Variants in NRXN1 observed in about 807,000 individuals in gnomAD.
NRXN1 encodes the protein neurexin 1.
A neutral mutation model predicts 150.9 loss-of-function variants in NRXN1; 39 were observed. The ratio of observed to expected loss-of-function variants is 0.26; its 90% CI spans 0.20 to 0.34. The LOEUF (loss-of-function observed/expected upper bound fraction) is 0.34, where lower values mean the gene tolerates loss of function less well. NRXN1 is among the 10% of genes least tolerant of loss of function. The pLI is 1.00. For synonymous variants in NRXN1, 924 were observed against 757.0 expected (o/e 1.22, Z -3.62); for missense variants, 1,815 against 1,949.9 (o/e 0.93, Z 1.30).
intron 5 of NRXN1, among the ~76,000 whole-genome samples, chr2:50,820,442 T>G (rs1285978126): frequency 6.6e-6 from 1 of 152,076 alleles, no homozygotes; most frequent in African/African-American, 2.4e-5. Context: ...AGAAGAAGCT[T>G]GACTGTAATA....
At chr2:50,013,512 G>A (rs1018944247) in intron 21 of NRXN1, among the ~76,000 whole-genome samples, 1 of 152,012 alleles carries the variant, frequency 6.6e-6, no homozygotes, top group Non-Finnish European at 1.5e-5. Context: ...AGCACCACAC[G>A]CTAATTGATG....
At chr2:50,591,401 TA>T (rs1237133814) in intron 8 of NRXN1, among the ~76,000 whole-genome samples, 3 of 134,886 alleles carry the variant, frequency 2.2e-5, no homozygotes, top group African/African-American at 7.9e-5. Flanking sequence ...GATAGATAGA[TA>T]GATAGATAGA....
chr2:50,599,076 C>T (rs911973715), intron 8 of NRXN1, among the ~76,000 whole-genome samples: 1 of 151,850 alleles, frequency 6.6e-6, no homozygotes, highest in Non-Finnish European at 1.5e-5. Flanking sequence ...CTGGCCAACT[C>T]TCCTATTTCT....
intron 8 of NRXN1, among the ~76,000 whole-genome samples, chr2:50,601,071 CA>C (rs770232337): frequency 1.6e-4 from 24 of 145,750 alleles, no homozygotes; most frequent in East Asian, 6.0e-4. Context: ...GACATCTTGG[CA>C]AAAAAAAAAT....
chr2:50,776,787 C>A (rs927316422), intron 5 of NRXN1, among the ~76,000 whole-genome samples: 1 of 151,936 alleles, frequency 6.6e-6, no homozygotes, highest in Non-Finnish European at 1.5e-5. Context: ...CCAGGCTACA[C>A]TTAGTTAAAA....
At chr2:50,192,636 C>A (rs10196682) in intron 18 of NRXN1, among the ~76,000 whole-genome samples, 6 of 152,010 alleles carry the variant, frequency 3.9e-5, no homozygotes, top group Non-Finnish European at 7.4e-5. Context: ...GGACAGAGTC[C>A]TGCCCTGTCA....
chr2:50,656,268 C>T, intron 5 of NRXN1: 1 of 658,694 alleles, frequency 1.5e-6, no homozygotes, highest in Admixed American at 2.3e-5. Context: ...GGCTCAAAAC[C>T]CACCCATGAG....
intron 21 of NRXN1, among the ~76,000 whole-genome samples, chr2:49,987,714 G>A (rs1681167013): frequency 6.6e-6 from 1 of 151,468 alleles, no homozygotes; most frequent in Non-Finnish European, 1.5e-5. Flanking sequence ...TACCTAAATA[G>A]AAGGATGAGC....
intron 17 of NRXN1, among the ~76,000 whole-genome samples, chr2:50,265,219 TA>T (rs374113311): frequency 6.6e-6 from 1 of 151,958 alleles, no homozygotes; most frequent in Non-Finnish European, 1.5e-5. Flanking sequence ...TGCTTACTGG[TA>T]AAAAAGTCTT....
intron 5 of NRXN1, among the ~76,000 whole-genome samples, chr2:50,734,478 G>A (rs1450737859): frequency 6.6e-6 from 1 of 152,060 alleles, no homozygotes; most frequent in East Asian, 1.9e-4. Flanking sequence ...GTCTTTCTAT[G>A]ACAATAAACA....
At position 50,775,109 on chromosome 2, in the gene NRXN1, C is replaced by G. The variant is rs566964070; in HGVS notation, c.832+146760G>C. 8.9e-4 allele frequency among the ~76,000 whole-genome samples: 136 copies of G among 152,236 alleles called. 1 individual carries two copies. Among genetic ancestry groups the G allele is most frequent in the African/African-American group, 3.0e-3 (126 of 41,560 alleles). On this transcript the variant is annotated intron_variant, in intron 5 of 22. Coordinates refer to ENST00000401669, the MANE Select transcript of NRXN1 (RefSeq NM_001330078.2). ...AATGTAAACCAACACTATAATTTGT[C>G]TCATGATAGCTCCAAGATGGTCTGA... is the stretch of plus-strand genomic sequence containing the variant.
At chr2:50,597,634 C>T (rs1210937043) in intron 8 of NRXN1, among the ~76,000 whole-genome samples, 1 of 152,204 alleles carries the variant, frequency 6.6e-6, no homozygotes, top group Non-Finnish European at 1.5e-5. Context: ...GGCTCCTCAT[C>T]TCTCTTCTGA....
intron 19 of NRXN1, among the ~76,000 whole-genome samples, chr2:50,069,211 T>G (rs1228950578): frequency 6.6e-6 from 1 of 152,208 alleles, no homozygotes; most frequent in Admixed American, 6.5e-5. Context: ...CCACTTCAAC[T>G]AGAATGCCTT....
chr2:50,307,415 C>T (rs1307087991), intron 17 of NRXN1, among the ~76,000 whole-genome samples: 1 of 152,096 alleles, frequency 6.6e-6, no homozygotes, highest in Non-Finnish European at 1.5e-5. Flanking sequence ...ATCTCTAAAG[C>T]CTGAAAAGCA....
chr2:50,137,107 G>A (rs1706535106), intron 18 of NRXN1, among the ~76,000 whole-genome samples: 1 of 151,766 alleles, frequency 6.6e-6, no homozygotes, highest in Non-Finnish European at 1.5e-5. Context: ...TTTTTACTTG[G>A]GGAAGAATGT....
intron 8 of NRXN1, among the ~76,000 whole-genome samples, chr2:50,553,592 A>AT (rs1430873174): frequency 1.3e-5 from 2 of 152,242 alleles, no homozygotes; most frequent in Non-Finnish European, 2.9e-5. Flanking sequence ...TCAGAAAAAA[A>AT]ATATATAACT....
At chr2:50,399,371 G>A (rs1337289962) in intron 17 of NRXN1, among the ~76,000 whole-genome samples, 1 of 151,964 alleles carries the variant, frequency 6.6e-6, no homozygotes, top group African/African-American at 2.4e-5. Flanking sequence ...TTCCAGCACT[G>A]TTAGAGGGTA....
intron 2 of NRXN1, among the ~76,000 whole-genome samples, chr2:51,024,282 A>C (rs1185883566): frequency 6.6e-6 from 1 of 152,166 alleles, no homozygotes; most frequent in Non-Finnish European, 1.5e-5. Context: ...TGCTTAGTTG[A>C]GTTCTGAGGC....
intron 12 of NRXN1, among the ~76,000 whole-genome samples, chr2:50,514,779 C>T (rs1262423416): frequency 1.3e-5 from 2 of 152,120 alleles, no homozygotes; most frequent in Non-Finnish European, 2.9e-5. Context: ...ATAATTTAAA[C>T]GTTTCCCATA....
Sources: allele counts gnomAD v4.1 joint callset (sites outside exome capture counted in the v4.1 genomes callset), GRCh38; gene constraint gnomAD v4.1.1; transcripts MANE v1.5; gene names NCBI Gene and HGNC (gene_info 2026-07-23, HGNC 2026-07-21).